Variants in HMGCL observed in about 807,000 individuals in gnomAD.
HMGCL encodes the protein 3-hydroxy-3-methylglutaryl-CoA lyase, also known as hydroxymethylglutaryl-CoA lyase, mitochondrial.
HMGCL carries 26 observed loss-of-function variants against 37.3 expected under a neutral mutation model. The observed-to-expected ratio is 0.70, with a 90% confidence interval of 0.51 to 0.97. HMGCL has a LOEUF of 0.97. Ranked by LOEUF, HMGCL falls within the 50% of genes least tolerant of loss-of-function variation. The pLI is 0.00. For missense variants in HMGCL, 379 were observed against 398.1 expected (o/e 0.95, Z 0.41); for synonymous variants, 151 against 148.0 (o/e 1.02, Z -0.15).
chr1:23,823,815 A>G (rs1348395543), intron 1 of HMGCL, among the ~76,000 whole-genome samples: 1 of 151,682 alleles, frequency 6.6e-6, no homozygotes, highest in Admixed American at 6.6e-5. Context: ...GCTGAGATTG[A>G]GCCACTGCAC....
chr1:23,804,133 T>G (rs560523003), intron 8 of HMGCL: 3 of 511,730 alleles, frequency 5.9e-6, no homozygotes, highest in Non-Finnish European at 1.1e-5. Context: ...TTTGAAGAGA[T>G]AGGGTCTTGC....
In HMGCL at chr1:23,817,517, T is replaced by C. The variant is rs750457695; in HGVS notation, c.211A>G (p.Ile71Val). ...DMLSEAGLSVIETTSFVSPKW... is the reference protein window; with the variant it reads ...DMLSEAGLSVVETTSFVSPKW... Reference sequence around the variant, plus strand: ...GGAGACACAAAGCTGGTGGTTTCTATAACAGAGAGTCCTGCTTCAGAAAGC... The same window carrying C: ...GGAGACACAAAGCTGGTGGTTTCTACAACAGAGAGTCCTGCTTCAGAAAGC... Residue 71 changes from isoleucine to valine, a missense_variant, in exon 3 of 9, where the codon ATA (isoleucine) becomes GTA (valine). Physicochemically the swap from Ile to Val is conservative, Grantham distance 29. Coordinates refer to ENST00000374490, the MANE Select transcript of HMGCL (RefSeq NM_000191.3). 6.2e-7 allele frequency: 1 copy of C among 1,613,804 alleles called. No homozygotes were observed. Among genetic ancestry groups the C allele is most frequent in the South Asian group, 1.1e-5 (1 of 91,078 alleles).
At chr1:23,815,601 T>G (rs1191983942) in intron 4 of HMGCL, among the ~76,000 whole-genome samples, 1 of 151,868 alleles carries the variant, frequency 6.6e-6, no homozygotes, top group Non-Finnish European at 1.5e-5. Context: ...GTTCAAGTGA[T>G]TCTCCTGCCT....
intron 7 of HMGCL, among the ~76,000 whole-genome samples, chr1:23,804,993 C>T (rs751611528): frequency 1.3e-5 from 2 of 151,454 alleles, no homozygotes; most frequent in African/African-American, 2.4e-5. Context: ...TCCCAAATGA[C>T]TATTTCACTT....
chr1:23,809,312 C>T (rs1638476743), intron 6 of HMGCL: 1 of 147,610 alleles, frequency 6.8e-6, no homozygotes, highest in African/African-American at 2.5e-5. Flanking sequence ...AATCTCAGCT[C>T]ACTGCAAGCT....
chr1:23,807,096 C>G (rs560251015), intron 7 of HMGCL: 14 of 519,010 alleles, frequency 2.7e-5, no homozygotes, highest in South Asian at 1.8e-4. Flanking sequence ...AACAGAGAAG[C>G]ACAGAGGAGC....
rs183247686 is a variant in HMGCL at position 23,811,135 on chromosome 1, G to A, written c.498-336C>T. Reference sequence around the variant, plus strand: ...AGGTGGGGAGATGGAGCAAAACTACGTGCCAGAGGAGCTGGGGCCAGTACT... The same window carrying A: ...AGGTGGGGAGATGGAGCAAAACTACATGCCAGAGGAGCTGGGGCCAGTACT... On this transcript the variant is annotated intron_variant, in intron 5 of 8. Coordinates refer to ENST00000374490, the MANE Select transcript of HMGCL (RefSeq NM_000191.3). Among the ~76,000 whole-genome samples the A allele has an allele frequency of 3.3e-5, 5 of 152,260 alleles. No individual in the cohort carries two copies. In the East Asian group the frequency reaches 9.7e-4, roughly 29 times the overall value.
intron 7 of HMGCL, among the ~76,000 whole-genome samples, chr1:23,804,762 T>A (rs575977785): frequency 3.3e-5 from 5 of 152,300 alleles, no homozygotes; most frequent in South Asian, 4.1e-4. Context: ...ACTCTCATTC[T>A]TTAGGTTCCA....
rs550489427 is a variant in HMGCL, at chr1:23,804,465, C to T, written c.811G>A (p.Gly271Arg). 13 of 1,614,150 alleles carry T rather than the reference C, an allele frequency of 8.1e-6. No individual in the cohort carries two copies. In the South Asian group the frequency reaches 1.2e-4, roughly 15 times the overall value. Reference protein sequence around the residue: ...AGLGGCPYAQGASGNLATEDL... With the variant: ...AGLGGCPYAQRASGNLATEDL... The stretch of plus-strand genomic sequence containing the variant: ...TCTGTGGCCAAGTTTCCTGATGCCC[C>T]CTGTGCGTAGGGACAGCCTCCAAGT... The change falls in exon 8 of 9, where the codon GGG becomes AGG. Residue 271 changes from glycine to arginine, a missense_variant. Transcript: ENST00000374490.
At chr1:23,809,232 ATATATAT>A (rs1424612895) in intron 6 of HMGCL, 3 of 71,644 alleles carry the variant, frequency 4.2e-5, no homozygotes, top group African/African-American at 1.8e-4. Context: ...ATATATATAT[ATATATAT>A]TTTTTTTTTT....
intron 1 of HMGCL, among the ~76,000 whole-genome samples, chr1:23,823,997 C>T (rs1012214865): frequency 2.6e-5 from 4 of 152,168 alleles, no homozygotes; most frequent in Non-Finnish European, 5.9e-5. Flanking sequence ...AGAGCACAAG[C>T]TCCTAACCTC....
At chr1:23,807,411 G>GAA in intron 7 of HMGCL, 1 of 340,554 alleles carries the variant, frequency 2.9e-6, no homozygotes, top group Non-Finnish European at 5.8e-6. Context: ...TAATTGAGAG[G>GAA]AAAAAAAAAG....
intron 5 of HMGCL, chr1:23,813,833 G>A (rs183118396): frequency 3.8e-4 from 132 of 343,454 alleles, no homozygotes; most frequent in African/African-American, 2.4e-3. Context: ...CCACAAACCC[G>A]TTAGTGTCCT....
At chr1:23,818,150 G>A (rs1029007197) in intron 2 of HMGCL, among the ~76,000 whole-genome samples, 10 of 152,064 alleles carry the variant, frequency 6.6e-5, no homozygotes, top group South Asian at 2.1e-4. Context: ...ACAGGATTAC[G>A]CAAAAAATTC....
intron 6 of HMGCL, chr1:23,809,240 T>TATATATATATATA (rs56844404): frequency 2.4e-5 from 2 of 82,544 alleles, no homozygotes; most frequent in African/African-American, 1.1e-4. Context: ...ATATATATAT[T>TATATATATATATA]TTTTTTTTTT....
intron 4 of HMGCL, among the ~76,000 whole-genome samples, chr1:23,814,695 A>C (rs1285364793): frequency 6.6e-6 from 1 of 152,114 alleles, no homozygotes; most frequent in Non-Finnish European, 1.5e-5. Flanking sequence ...AAGAACACTG[A>C]CACAGAGTAG....
Position 23,820,545 on chromosome 1 carries a change from C to T in HMGCL, c.109G>A (p.Glu37Lys). The T allele has an allele frequency of 1.2e-6, 2 of 1,614,122 alleles. No homozygotes were observed. The highest frequency in any genetic ancestry group is 1.7e-6 in the Non-Finnish European group (2 of 1,179,970). ...GTLPKRVKIVEVGPRDGLQNE... is the reference protein window; with the variant it reads ...GTLPKRVKIVKVGPRDGLQNE... The stretch of plus-strand genomic sequence containing the variant: ...TGTAGTCCATCTCGGGGACCAACTT[C>T]CACAATTTTCACCCGCTTTGGTAAA... The change falls in exon 2 of 9, where the codon GAA becomes AAA. Residue 37 changes from glutamate (E) to lysine (K), a missense_variant. Coordinates refer to ENST00000374490, the MANE Select transcript of HMGCL (RefSeq NM_000191.3).
intron 1 of HMGCL, 46 bp downstream of exon 1, chr1:23,825,306 ACAGT>A (rs1445836005): frequency 1.9e-5 from 28 of 1,453,916 alleles, no homozygotes; most frequent in Non-Finnish European, 2.5e-5. Context: ...CCCAACCCTG[ACAGT>A]CAGAGTGCCT....
At chr1:23,812,889 T>C (rs1422983770) in intron 5 of HMGCL, among the ~76,000 whole-genome samples, 2 of 151,634 alleles carry the variant, frequency 1.3e-5, no homozygotes, top group East Asian at 3.9e-4. Context: ...TTTGTGGGGT[T>C]TTTTTGGTTT....
Sources: allele counts gnomAD v4.1 joint callset (sites outside exome capture counted in the v4.1 genomes callset), GRCh38; gene constraint gnomAD v4.1.1; transcripts MANE v1.5; gene names NCBI Gene and HGNC (gene_info 2026-07-23, HGNC 2026-07-21).